The following RAPGEF4 variants were observed in gnomAD, a reference collection of about 807,000 sequenced individuals.
The protein encoded by RAPGEF4 is RAP guanine-nucleotide-exchange factor (GEF) 4.
RAPGEF4 carries 66 observed loss-of-function variants against 147.9 expected under a neutral mutation model. The observed-to-expected ratio is 0.45, with a 90% CI of 0.37 to 0.55. The LOEUF is 0.55. Among genes scored for constraint, RAPGEF4 ranks in the 20% least tolerant of loss-of-function variants. RAPGEF4 has a pLI of 0.00. For synonymous variants in RAPGEF4, 419 were observed against 442.7 expected (o/e 0.95, Z 0.67); for missense variants, 1,071 against 1,257.3 (o/e 0.85, Z 2.24).
chr2:172,798,721 T>A (rs1319820312), intron 3 of RAPGEF4, among the ~76,000 whole-genome samples: 1 of 150,690 alleles, frequency 6.6e-6, no homozygotes, highest in Non-Finnish European at 1.5e-5. Context: ...TTTAGGAACT[T>A]GTATGTGTAT....
chr2:172,830,137 CTTTATGTGGGAG>C (rs1355711908), intron 4 of RAPGEF4, among the ~76,000 whole-genome samples: 2 of 152,062 alleles, frequency 1.3e-5, no homozygotes, highest in Non-Finnish European at 2.9e-5. Flanking sequence ...CTTATTTCTT[CTTTATGTGGGAG>C]AACATTTATT....
chr2:172,952,214 T>C (rs1040721446), intron 6 of RAPGEF4, among the ~76,000 whole-genome samples: 2 of 152,136 alleles, frequency 1.3e-5, no homozygotes, highest in Non-Finnish European at 2.9e-5. Context: ...GGAAATGTCA[T>C]AGTGTTCCAG....
Position 173,020,735 on chromosome 2 carries a change from T to C in RAPGEF4, c.2253+20T>C. 6.3e-7 allele frequency: 1 copy of C among 1,593,358 alleles called. No individual in the cohort carries two copies. The highest frequency in any genetic ancestry group is 8.6e-7 in the Non-Finnish European group (1 of 1,163,240). On this transcript the variant is annotated intron_variant, in intron 23 of 30. Transcript: ENST00000397081. ...TCACTGGTAGGTGTGGATGGCCTGCTCAGAGCAGCATTGCAATCAGAAAAA... is the reference window on the plus strand; with the variant it reads ...TCACTGGTAGGTGTGGATGGCCTGCCCAGAGCAGCATTGCAATCAGAAAAA...
intron 4 of RAPGEF4, among the ~76,000 whole-genome samples, chr2:172,823,297 T>G (rs964238154): frequency 6.6e-6 from 1 of 152,178 alleles, no homozygotes; most frequent in South Asian, 2.1e-4. Context: ...ACTCTGTGGT[T>G]GTGTTGTGTG....
chr2:173,013,520 T>A (rs1390858844), intron 17 of RAPGEF4, among the ~76,000 whole-genome samples: 1 of 152,244 alleles, frequency 6.6e-6, no homozygotes, highest in East Asian at 1.9e-4. Context: ...TATGAACTAA[T>A]TATCTATAAT....
intron 4 of RAPGEF4, among the ~76,000 whole-genome samples, chr2:172,868,459 T>G (rs920737832): frequency 2.0e-5 from 3 of 152,180 alleles, no homozygotes; most frequent in Non-Finnish European, 4.4e-5. Flanking sequence ...TATGTTTTAA[T>G]AAGAGAAAAT....
At chr2:172,775,939 T>G (rs1382836039) in intron 1 of RAPGEF4, among the ~76,000 whole-genome samples, 3 of 152,178 alleles carry the variant, frequency 2.0e-5, no homozygotes, top group Non-Finnish European at 4.4e-5. Flanking sequence ...AATCTTTAGT[T>G]TATAAGTCAG....
intron 4 of RAPGEF4, among the ~76,000 whole-genome samples, chr2:172,816,642 CT>C (rs1474509518): frequency 6.6e-6 from 1 of 152,158 alleles, no homozygotes; most frequent in East Asian, 1.9e-4. Context: ...GCTGTCCTTG[CT>C]ATCTAAAACC....
intron 1 of RAPGEF4, among the ~76,000 whole-genome samples, chr2:172,780,860 G>A (rs1684616583): frequency 6.6e-6 from 1 of 152,052 alleles, no homozygotes; most frequent in Admixed American, 6.5e-5. Flanking sequence ...TTAAAATATT[G>A]TAATTTTGAT....
intron 1 of RAPGEF4, among the ~76,000 whole-genome samples, chr2:172,783,762 G>C (rs1474766432): frequency 6.8e-6 from 1 of 146,622 alleles, no homozygotes; most frequent in Non-Finnish European, 1.5e-5. Context: ...GTATGTGCTT[G>C]TGTGTATGTG....
At position 172,876,897 on chromosome 2, in the gene RAPGEF4, C is replaced by T. The variant is rs977582828; in HGVS notation, c.445-40905C>T. On this transcript the variant is annotated intron_variant, in intron 4 of 30. Coordinates refer to ENST00000397081, the MANE Select transcript of RAPGEF4 (RefSeq NM_007023.4). ...ACCTGGACATTTTTTGGTTGGTAGG[C>T]TATTAATTATTGCCTTAATTTCAGA... Among the ~76,000 whole-genome samples the T allele has an allele frequency of 6.6e-5, 10 of 152,246 alleles. No individual in the cohort carries two copies. In the East Asian group the frequency reaches 1.2e-3, roughly 18 times the overall value.
chr2:172,929,747 G>A, intron 6 of RAPGEF4, among the ~76,000 whole-genome samples: 1 of 152,176 alleles, frequency 6.6e-6, no homozygotes, highest in East Asian at 1.9e-4. Flanking sequence ...AGCCTAGACA[G>A]AAGCACACGT....
rs537921600 is a variant in RAPGEF4 at position 173,017,135 on chromosome 2, C to T, written c.1899-39C>T. 5 of 1,582,020 alleles carry T rather than the reference C, an allele frequency of 3.2e-6. No individual in the cohort carries two copies. In the South Asian group the frequency reaches 4.4e-5, roughly 14 times the overall value. Reference sequence around the variant, plus strand: ...TACAAATAAGGCAATTTAATAGTAGCAATGGTATTAAATAATGTGCTTTCT... The same window carrying T: ...TACAAATAAGGCAATTTAATAGTAGTAATGGTATTAAATAATGTGCTTTCT... On this transcript the variant is annotated intron_variant, in intron 19 of 30. Coordinates refer to ENST00000397081, the MANE Select transcript of RAPGEF4 (RefSeq NM_007023.4).
At chr2:173,028,129 C>T (rs1362428249) in intron 25 of RAPGEF4, among the ~76,000 whole-genome samples, 1 of 152,180 alleles carries the variant, frequency 6.6e-6, no homozygotes, top group Non-Finnish European at 1.5e-5. Flanking sequence ...ATCAGTTTGC[C>T]AGATGCCTGG....
intron 1 of RAPGEF4, among the ~76,000 whole-genome samples, chr2:172,768,666 G>A (rs770184543): frequency 6.6e-6 from 1 of 152,158 alleles, no homozygotes; most frequent in Non-Finnish European, 1.5e-5. Context: ...CTGCACCATG[G>A]TGCTGATTCT....
At chr2:172,789,168 A>G (rs1361023726) in intron 1 of RAPGEF4, among the ~76,000 whole-genome samples, 1 of 152,164 alleles carries the variant, frequency 6.6e-6, no homozygotes, top group Non-Finnish European at 1.5e-5. Context: ...TAAATATCTC[A>G]CTTGATTAGG....
chr2:172,743,231 A>G (rs1694458114), intron 1 of RAPGEF4, among the ~76,000 whole-genome samples: 1 of 152,150 alleles, frequency 6.6e-6, no homozygotes, highest in African/African-American at 2.4e-5. Context: ...GAGGAAAGAG[A>G]AAGAGGATGG....
chr2:172,833,571 G>GT (rs1309325483), intron 4 of RAPGEF4, among the ~76,000 whole-genome samples: 1 of 152,100 alleles, frequency 6.6e-6, no homozygotes, highest in Admixed American at 6.5e-5. Flanking sequence ...CAGTTGTACT[G>GT]TTTTTGGTCT....
intron 23 of RAPGEF4, among the ~76,000 whole-genome samples, chr2:173,025,027 G>A (rs553449789): frequency 6.6e-6 from 1 of 152,326 alleles, no homozygotes; most frequent in South Asian, 2.1e-4. Context: ...GCTTCTTCAA[G>A]ATCCTGTTCA....
Sources: allele counts gnomAD v4.1 joint callset (sites outside exome capture counted in the v4.1 genomes callset), GRCh38; gene constraint gnomAD v4.1.1; transcripts MANE v1.5; gene names NCBI Gene and HGNC (gene_info 2026-07-23, HGNC 2026-07-21).